The following DOCK10 variants were observed in gnomAD, a reference collection of about 807,000 sequenced individuals.
DOCK10 encodes the protein dedicator of cytokinesis protein 10.
In DOCK10, 145 loss-of-function variants were observed where a neutral mutation model predicts 280.1. That is an observed-to-expected ratio of 0.52 (90% confidence interval 0.45 to 0.59). DOCK10 has a LOEUF of 0.59. Ranked by LOEUF, DOCK10 falls within the 20% of genes least tolerant of loss-of-function variation. DOCK10 has a pLI of 0.00. For synonymous variants in DOCK10, 915 were observed against 942.2 expected, an observed-to-expected ratio of 0.97 and a Z score of 0.53; for missense variants, 2,368 against 2,651.7, an observed-to-expected ratio of 0.89 and a Z score of 2.35.
chr2:224,842,275 C>T (rs1696016683), intron 22 of DOCK10, among the ~76,000 whole-genome samples: 1 of 152,238 alleles, frequency 6.6e-6, no homozygotes, highest in Admixed American at 6.5e-5. Context: ...CCTTGACACA[C>T]ATGACAATGC....
intron 2 of DOCK10, among the ~76,000 whole-genome samples, chr2:224,921,268 C>T (rs1272456248): frequency 6.7e-6 from 1 of 150,124 alleles, no homozygotes; most frequent in Admixed American, 6.7e-5. Flanking sequence ...TGCCATTGCA[C>T]TCCAGCAATG....
chr2:224,995,299 A>G (rs1037956405), intron 1 of DOCK10, among the ~76,000 whole-genome samples: 3 of 152,228 alleles, frequency 2.0e-5, no homozygotes, highest in African/African-American at 7.2e-5. Context: ...TACACAGGGC[A>G]TGAGTATCAA....
chr2:224,975,816 T>C (rs1705402544), intron 1 of DOCK10, among the ~76,000 whole-genome samples: 1 of 152,200 alleles, frequency 6.6e-6, no homozygotes, highest in South Asian at 2.1e-4. Context: ...AAAGAAGAAT[T>C]ATTGTCTTCT....
At chr2:224,951,442 G>A (rs1445997305) in intron 1 of DOCK10, among the ~76,000 whole-genome samples, 2 of 152,146 alleles carry the variant, frequency 1.3e-5, no homozygotes, top group African/African-American at 2.4e-5. Context: ...TGGTCCCATG[G>A]TGTCCAGTCA....
At chr2:225,002,968 T>A (rs1377318561) in intron 1 of DOCK10, among the ~76,000 whole-genome samples, 1 of 152,188 alleles carries the variant, frequency 6.6e-6, no homozygotes, top group South Asian at 2.1e-4. Context: ...AACCGAGAAA[T>A]GACCAGGGTA....
chr2:225,030,182 C>T (rs1690038654), intron 1 of DOCK10, among the ~76,000 whole-genome samples: 1 of 148,034 alleles, frequency 6.8e-6, no homozygotes, highest in Admixed American at 6.7e-5. Context: ...AAAGAAAATA[C>T]AGCTGTAAAA....
intron 1 of DOCK10, among the ~76,000 whole-genome samples, chr2:225,006,463 A>G (rs945569075): frequency 6.6e-6 from 1 of 152,178 alleles, no homozygotes; most frequent in African/African-American, 2.4e-5. Context: ...CCTCCCATTT[A>G]TGTTTTAGCC....
chr2:224,810,509 G>C (rs1180056152), intron 31 of DOCK10, among the ~76,000 whole-genome samples: 1 of 151,530 alleles, frequency 6.6e-6, no homozygotes, highest in Non-Finnish European at 1.5e-5. Context: ...TATACTTTAA[G>C]TTTTAGGGTA....
intron 30 of DOCK10, 105 bp downstream of exon 30, chr2:224,816,512 A>G (rs2125295715): frequency 1.3e-6 from 1 of 768,612 alleles, no homozygotes; most frequent in Non-Finnish European, 2.2e-6. Flanking sequence ...TTCAAACAAA[A>G]TTATGACTGA....
At chr2:225,038,631 A>C (rs1690330951) in intron 1 of DOCK10, among the ~76,000 whole-genome samples, 1 of 152,208 alleles carries the variant, frequency 6.6e-6, no homozygotes. Flanking sequence ...TTTCTCTTTA[A>C]AATGAGTTAA....
At chr2:224,768,107 G>A (rs1690179387) in intron 55 of DOCK10, among the ~76,000 whole-genome samples, 1 of 151,878 alleles carries the variant, frequency 6.6e-6, no homozygotes, top group Admixed American at 6.6e-5. Flanking sequence ...AGTAGTGACG[G>A]GGTTTCACCA....
chr2:224,841,739 T>C (rs1695976351), intron 23 of DOCK10, 65 bp downstream of exon 23: 1 of 1,114,680 alleles, frequency 9.0e-7, no homozygotes, highest in African/African-American at 1.5e-5. Context: ...CGGTGGAAAA[T>C]GTAAAAGTCT....
intron 3 of DOCK10, among the ~76,000 whole-genome samples, chr2:224,906,282 A>G (rs1197959876): frequency 6.6e-6 from 1 of 152,152 alleles, no homozygotes; most frequent in Non-Finnish European, 1.5e-5. Context: ...TATTAAAACA[A>G]ATAGTCTCCT....
intron 1 of DOCK10, among the ~76,000 whole-genome samples, chr2:225,006,402 T>C (rs941313016): frequency 1.3e-5 from 2 of 152,258 alleles, no homozygotes; most frequent in Admixed American, 1.3e-4. Context: ...CAGGCTCTTA[T>C]CTGCTAGGTA....
chr2:224,845,508 C>T lies in DOCK10; in HGVS notation c.2359+11G>A, dbSNP rs762258870. The T allele has an allele frequency of 3.1e-5, 50 of 1,606,330 alleles. No individual in the cohort carries two copies. The highest frequency in any genetic ancestry group is 3.6e-5 in the Non-Finnish European group (42 of 1,177,512). On this transcript the variant is annotated intron_variant, in intron 20 of 55. Transcript: ENST00000258390. Reference sequence around the variant, plus strand: ...CATGTGACTCTGCCTCAGATTTCTTCCTGGCAGTACCTGACGTTTCCAGAG... The same window carrying T: ...CATGTGACTCTGCCTCAGATTTCTTTCTGGCAGTACCTGACGTTTCCAGAG...
chr2:224,903,097 C>CA (rs1375276566), intron 3 of DOCK10, among the ~76,000 whole-genome samples: 1 of 152,066 alleles, frequency 6.6e-6, no homozygotes, highest in Non-Finnish European at 1.5e-5. Context: ...GACTCCGTCT[C>CA]AAAAAACCAA....
intron 1 of DOCK10, among the ~76,000 whole-genome samples, chr2:225,002,208 A>G (rs1380689419): frequency 6.6e-6 from 1 of 152,154 alleles, no homozygotes; most frequent in Non-Finnish European, 1.5e-5. Flanking sequence ...CCACTTGTTT[A>G]CCTGATGCTA....
At chr2:224,923,117 T>G (rs1376642775) in intron 2 of DOCK10, among the ~76,000 whole-genome samples, 3 of 152,230 alleles carry the variant, frequency 2.0e-5, no homozygotes, top group Non-Finnish European at 4.4e-5. Flanking sequence ...GAATATTACT[T>G]TAGTACCTGA....
intron 53 of DOCK10, among the ~76,000 whole-genome samples, chr2:224,772,552 A>G (rs1481893298): frequency 6.6e-6 from 1 of 152,032 alleles, no homozygotes; most frequent in Non-Finnish European, 1.5e-5. Context: ...GTCTGCTTCC[A>G]CTAACCCTCC....
Sources: gnomAD v4.1 joint callset for allele counts (sites outside exome capture counted in the v4.1 genomes callset) on GRCh38, gnomAD v4.1.1 for gene constraint, MANE v1.5 for transcripts, NCBI Gene and HGNC (gene_info 2026-07-23, HGNC 2026-07-21) for gene names.